CACUL1: variants seen among roughly 807,000 people sequenced by gnomAD.
The protein encoded by CACUL1 is CDK2 associated cullin domain 1.
Under a neutral mutation model 45.2 loss-of-function variants are expected in CACUL1, and 13 were observed. That is an observed-to-expected ratio of 0.29 (90% CI 0.19 to 0.46). CACUL1 has a LOEUF of 0.46. CACUL1 is among the 20% of genes least tolerant of loss of function. CACUL1 has a pLI of 1.00. For missense variants in CACUL1, 421 were observed against 471.4 expected (o/e 0.89, Z 0.99); for synonymous variants, 197 against 174.2 (o/e 1.13, Z -1.03).
chr10:118,746,335 G>T (rs1263452281), intron 1 of CACUL1, among the ~76,000 whole-genome samples: 1 of 152,122 alleles, frequency 6.6e-6, no homozygotes, highest in East Asian at 1.9e-4. Context: ...TTCTGACAAA[G>T]TTTCCAAAGT....
Position 118,754,736 on chromosome 10 carries a change from C to T in CACUL1, c.27G>A (p.Glu9=). The part of the protein sequence containing the change: MEESMEEE[E]GGSYEAMMDD... ...CCATCATCGCCTCGTAGCTGCCCCC[C>T]TCCTCCTCTTCCATGCTTTCCTCCA... is the stretch of plus-strand genomic sequence containing the variant. Residue 9 remains glutamate, a synonymous_variant, in exon 1 of 9, where the codon GAG becomes GAA. Transcript: ENST00000369151. 3 of 1,600,168 alleles carry T rather than the reference C, an allele frequency of 1.9e-6. No individual in the cohort carries two copies. Among genetic ancestry groups the T allele is most frequent in the South Asian group, 1.1e-5 (1 of 90,004 alleles).
rs1845190417 is a variant in CACUL1 at position 118,685,030 on chromosome 10, T to G, written c.*1098A>C. 6.6e-6 allele frequency: 1 copy of G among 152,224 alleles called. No homozygotes were observed. Among genetic ancestry groups the G allele is most frequent in the South Asian group, 2.1e-4 (1 of 4,836 alleles). 9.4% of individuals were successfully genotyped at this position (152,224 alleles called of 1,614,324 possible). Reference sequence around the variant, plus strand: ...CTGGAAGGGAGCCTTAGGACAGCAGTGCTACTTCTTCCCTATCACACTCAA... The same window carrying G: ...CTGGAAGGGAGCCTTAGGACAGCAGGGCTACTTCTTCCCTATCACACTCAA... On this transcript the variant is annotated 3_prime_UTR_variant, in exon 9 of 9. Coordinates refer to ENST00000369151, the MANE Select transcript of CACUL1 (RefSeq NM_153810.5).
At chr10:118,746,134 A>T (rs1845841038) in intron 1 of CACUL1, among the ~76,000 whole-genome samples, 1 of 142,670 alleles carries the variant, frequency 7.0e-6, no homozygotes, top group African/African-American at 2.6e-5. Flanking sequence ...CCTGGGCAAC[A>T]GAGCGAGACA....
intron 4 of CACUL1, among the ~76,000 whole-genome samples, chr10:118,707,057 T>C (rs1368501746): frequency 6.6e-6 from 1 of 152,240 alleles, no homozygotes; most frequent in Non-Finnish European, 1.5e-5. Context: ...CTACAGATTA[T>C]ACTCATAGCA....
chr10:118,740,980 T>G (rs990191408), intron 1 of CACUL1, among the ~76,000 whole-genome samples: 2 of 147,878 alleles, frequency 1.4e-5, no homozygotes, highest in Admixed American at 1.3e-4. Flanking sequence ...AAAGGTAAGG[T>G]ATGTTAGAGG....
At chr10:118,729,172 G>C in intron 3 of CACUL1, 123 bp downstream of exon 3, 1 of 654,010 alleles carries the variant, frequency 1.5e-6, no homozygotes, top group South Asian at 1.8e-5. Flanking sequence ...CATTCACCTA[G>C]AAAACATTTA....
At chr10:118,713,960 T>C (rs1038221670) in intron 3 of CACUL1, among the ~76,000 whole-genome samples, 4 of 152,218 alleles carry the variant, frequency 2.6e-5, no homozygotes, top group African/African-American at 9.7e-5. Flanking sequence ...TAATAAAAAT[T>C]AAAACTAAGT....
intron 3 of CACUL1, among the ~76,000 whole-genome samples, chr10:118,711,734 G>A (rs938499126): frequency 6.6e-5 from 10 of 152,162 alleles, no homozygotes; most frequent in Non-Finnish European, 2.9e-5. Flanking sequence ...AAGACTATGC[G>A]TATTAAAAAG....
intron 5 of CACUL1, among the ~76,000 whole-genome samples, chr10:118,697,956 T>A (rs998352525): frequency 2.6e-5 from 4 of 152,328 alleles, no homozygotes; most frequent in African/African-American, 9.6e-5. Context: ...TAAAAATGAT[T>A]ATACCATGGA....
At chr10:118,690,845 A>T (rs1845258347) in intron 7 of CACUL1, among the ~76,000 whole-genome samples, 1 of 152,220 alleles carries the variant, frequency 6.6e-6, no homozygotes, top group Non-Finnish European at 1.5e-5. Context: ...CAGGAGTTTG[A>T]AACCAGCCTG....
At chr10:118,717,729 T>C (rs1172676864) in intron 3 of CACUL1, among the ~76,000 whole-genome samples, 2 of 152,156 alleles carry the variant, frequency 1.3e-5, no homozygotes, top group African/African-American at 2.4e-5. Flanking sequence ...GAACTAACAG[T>C]GTAGAATCCC....
intron 3 of CACUL1, among the ~76,000 whole-genome samples, chr10:118,727,217 C>G (rs1845660033): frequency 6.6e-6 from 1 of 151,726 alleles, no homozygotes; most frequent in African/African-American, 2.4e-5. Flanking sequence ...GGCAAAACCC[C>G]ATCTCTAAAG....
intron 7 of CACUL1, among the ~76,000 whole-genome samples, chr10:118,687,772 C>T (rs1043816072): frequency 2.6e-5 from 4 of 152,214 alleles, no homozygotes; most frequent in Non-Finnish European, 4.4e-5. Flanking sequence ...CTGTCCCTTG[C>T]ATGTCAGCAC....
Position 118,707,718 on chromosome 10 carries a change from G to GAAAAAC in CACUL1, c.598-132_598-131insGTTTTT, listed in dbSNP as rs1845446352. The GAAAAAC allele has an allele frequency of 5.8e-6, 3 of 513,090 alleles. No homozygotes were observed. The African/African-American group carries it at 6.2e-5, about 11-fold the overall frequency. 31.8% of individuals were successfully genotyped at this position (513,090 alleles called of 1,614,324 possible). ...ACAATTAACAAAAAAAAAAAAAAAG[G>GAAAAAC]AAGACACGTACACTCTGAAGGTAAG... On this transcript the variant is annotated intron_variant, in intron 3 of 8. Transcript: ENST00000369151.
At chr10:118,747,611 A>G (rs1290971366) in intron 1 of CACUL1, among the ~76,000 whole-genome samples, 2 of 151,992 alleles carry the variant, frequency 1.3e-5, no homozygotes, top group Non-Finnish European at 2.9e-5. Flanking sequence ...AGAAAAATGA[A>G]TAAGTAACTG....
chr10:118,749,227 A>G (rs1394970818), intron 1 of CACUL1, among the ~76,000 whole-genome samples: 1 of 151,904 alleles, frequency 6.6e-6, no homozygotes, highest in Non-Finnish European at 1.5e-5. Flanking sequence ...TCAGTGGAAT[A>G]GTTCTACTTC....
chr10:118,703,680 C>A (rs1845406671), intron 4 of CACUL1, among the ~76,000 whole-genome samples: 1 of 152,132 alleles, frequency 6.6e-6, no homozygotes, highest in Non-Finnish European at 1.5e-5. Flanking sequence ...TACATTTCCA[C>A]CAAAAGTGTG....
chr10:118,728,221 C>G (rs1202413099), intron 3 of CACUL1, among the ~76,000 whole-genome samples: 1 of 152,170 alleles, frequency 6.6e-6, no homozygotes, highest in Non-Finnish European at 1.5e-5. Flanking sequence ...CCAAAGCACA[C>G]CCCAGCATGT....
chr10:118,692,616 C>T (rs1483133943), intron 6 of CACUL1: 2 of 152,206 alleles, frequency 1.3e-5, no homozygotes, highest in African/African-American at 4.8e-5. Flanking sequence ...AACACTATTA[C>T]TCATTTTGAA....
Sources: gnomAD v4.1 joint callset for allele counts (sites outside exome capture counted in the v4.1 genomes callset) on GRCh38, gnomAD v4.1.1 for gene constraint, MANE v1.5 for transcripts, NCBI Gene and HGNC (gene_info 2026-07-23, HGNC 2026-07-21) for gene names.